The following SGCD variants were observed in gnomAD, a reference collection of about 807,000 sequenced individuals.
SGCD encodes sarcoglycan delta.
A neutral mutation model predicts 36.6 loss-of-function variants in SGCD; 18 were observed. The ratio of observed to expected loss-of-function variants is 0.49; its 90% CI spans 0.34 to 0.73. The LOEUF is 0.73. Ranked by LOEUF, SGCD falls within the 30% of genes least tolerant of loss-of-function variation. The pLI, the probability that SGCD is intolerant of heterozygous loss-of-function variation, is 0.01. For missense variants in SGCD, 387 were observed against 346.7 expected (o/e 1.12, Z -0.92); for synonymous variants, 133 against 130.6 (o/e 1.02, Z -0.12).
chr5:156,639,563 T>G (rs1762952999), intron 6 of SGCD, among the ~76,000 whole-genome samples: 1 of 152,198 alleles, frequency 6.6e-6, no homozygotes, highest in Non-Finnish European at 1.5e-5. Flanking sequence ...CTCATGGTAT[T>G]TCTCTTGTCA....
At chr5:156,411,093 T>C (rs1010781713) in intron 3 of SGCD, among the ~76,000 whole-genome samples, 2 of 152,246 alleles carry the variant, frequency 1.3e-5, no homozygotes, top group Non-Finnish European at 2.9e-5. Flanking sequence ...GCCCCCTTGA[T>C]GTTTTATTTC....
intron 2 of SGCD, among the ~76,000 whole-genome samples, chr5:156,334,735 A>G (rs1580835774): frequency 1.4e-5 from 2 of 147,756 alleles, no homozygotes; most frequent in East Asian, 4.0e-4. Flanking sequence ...CCCCATCACT[A>G]CCTCTTTCCA....
At chr5:155,864,899 T>C in the SGCD span, among the ~76,000 whole-genome samples, 1 of 152,194 alleles carries the variant, frequency 6.6e-6, no homozygotes, top group African/African-American at 2.4e-5. Flanking sequence ...AAGAAACTAA[T>C]ATTTATTGAA....
At chr5:155,823,066 C>CTCTA in the SGCD span, among the ~76,000 whole-genome samples, 981 of 61,836 alleles carry the variant, frequency 0.016, 10 homozygotes, top group East Asian at 0.062. Flanking sequence ...ATCTCTATAT[C>CTCTA]TATCTATCTA....
chr5:156,739,587 C>A (rs1756560059), intron 7 of SGCD: 1 of 152,110 alleles, frequency 6.6e-6, no homozygotes, highest in Non-Finnish European at 1.5e-5. Flanking sequence ...CAAATATCCT[C>A]TTCAGCCTGG....
intron 4 of SGCD, among the ~76,000 whole-genome samples, chr5:156,568,410 G>A (rs927203758): frequency 2.0e-5 from 3 of 152,166 alleles, no homozygotes; most frequent in African/African-American, 4.8e-5. Flanking sequence ...GACTCAGGTA[G>A]CTGTAACCAC....
rs1273190681 is a variant in SGCD at position 156,680,064 on chromosome 5, C to A, written c.575+32528C>A. Among the ~76,000 whole-genome samples, 3 of 152,116 alleles carry A rather than the reference C, an allele frequency of 2.0e-5. No homozygotes were observed. The East Asian group carries it at 5.8e-4, about 29-fold the overall frequency. ...CAGTATAGCAGCTTGTTTCTATTTA[C>A]TTAAAATTCTGTAAGCTGCAAATAG... is the stretch of plus-strand genomic sequence containing the variant. On this transcript the variant is annotated intron_variant, in intron 7 of 8. Transcript: ENST00000337851.
chr5:156,185,316 A>G lies in SGCD; in HGVS notation c.-44+61297A>G, dbSNP rs375711724. On this transcript the variant is annotated intron_variant, in intron 3 of 9. Transcript: ENST00000517913. ...TGTAAGCTCCGCCTCCCGGGTTCAC[A>G]CCATTCTCCTGTCTCAGCCTCCCGA... Among the ~76,000 whole-genome samples the G allele has an allele frequency of 1.7e-3, 257 of 147,648 alleles. 1 individual carries two copies. Among genetic ancestry groups the G allele is most frequent in the East Asian group, 5.6e-3 (28 of 4,994 alleles).
intron 3 of SGCD, among the ~76,000 whole-genome samples, chr5:156,480,129 G>C (rs892652337): frequency 6.6e-6 from 1 of 152,172 alleles, no homozygotes; most frequent in Non-Finnish European, 1.5e-5. Flanking sequence ...ATGTTCCCTT[G>C]GTCTTGAGGG....
At chr5:156,532,588 G>A (rs1291950936) in intron 4 of SGCD, among the ~76,000 whole-genome samples, 1 of 152,104 alleles carries the variant, frequency 6.6e-6, no homozygotes, top group Non-Finnish European at 1.5e-5. Flanking sequence ...AGCCTCCCGA[G>A]TAGCTAGAAC....
upstream of SGCD, among the ~76,000 whole-genome samples, chr5:156,322,386 T>C (rs1292250043): frequency 6.6e-6 from 1 of 152,196 alleles, no homozygotes; most frequent in Non-Finnish European, 1.5e-5. Context: ...TATTGTGTAC[T>C]TCCTACAAGC....
intron 3 of SGCD, among the ~76,000 whole-genome samples, chr5:156,412,400 G>A (rs1245276031): frequency 1.3e-5 from 2 of 152,156 alleles, no homozygotes; most frequent in Non-Finnish European, 2.9e-5. Flanking sequence ...TTATAAATTG[G>A]AAAATAACAT....
intron 3 of SGCD, among the ~76,000 whole-genome samples, chr5:156,423,665 AATAGACCCAAG>A (rs1490850696): frequency 6.6e-6 from 1 of 151,546 alleles, no homozygotes; most frequent in Admixed American, 6.6e-5. Flanking sequence ...GCCTCTCAAG[AATAGACCCAAG>A]ATCCAATGAT....
chr5:155,774,641 C>T, the SGCD span, among the ~76,000 whole-genome samples: 1 of 152,076 alleles, frequency 6.6e-6, no homozygotes, highest in African/African-American at 2.4e-5. Flanking sequence ...AGACACATCA[C>T]TCCAATCTCT....
chr5:156,096,462 T>A (rs1346645577), intron 1 of SGCD, among the ~76,000 whole-genome samples: 1 of 152,156 alleles, frequency 6.6e-6, no homozygotes, highest in Non-Finnish European at 1.5e-5. Flanking sequence ...GTATGATGGG[T>A]ATGCAGGAAG....
the SGCD span, among the ~76,000 whole-genome samples, chr5:155,732,453 A>T: frequency 1.3e-5 from 2 of 152,094 alleles, no homozygotes; most frequent in Non-Finnish European, 2.9e-5. Context: ...GTCCTTGGAG[A>T]TCTTTCCCAA....
chr5:156,152,930 C>G (rs949694758), intron 3 of SGCD, among the ~76,000 whole-genome samples: 3 of 151,640 alleles, frequency 2.0e-5, no homozygotes, highest in Non-Finnish European at 2.9e-5. Context: ...GGTGACATCT[C>G]TCTCCCTCTG....
intron 3 of SGCD, among the ~76,000 whole-genome samples, chr5:156,306,449 A>G (rs889339892): frequency 6.6e-6 from 1 of 152,242 alleles, no homozygotes; most frequent in Non-Finnish European, 1.5e-5. Context: ...CTGTAAGTCC[A>G]TTAAACCTTT....
At chr5:156,070,099 T>C (rs1479508485) in intron 1 of SGCD, among the ~76,000 whole-genome samples, 1 of 149,928 alleles carries the variant, frequency 6.7e-6, no homozygotes, top group African/African-American at 2.5e-5. Context: ...GACTTCCTCT[T>C]TTCCTAATTG....
Sources: allele counts gnomAD v4.1 joint callset (sites outside exome capture counted in the v4.1 genomes callset), GRCh38; gene constraint gnomAD v4.1.1; transcripts MANE v1.5; gene names NCBI Gene and HGNC (gene_info 2026-07-23, HGNC 2026-07-21).